The following TOGARAM2 variants were observed in gnomAD, a reference collection of about 807,000 sequenced individuals.
TOGARAM2 encodes the protein TOG array regulator of axonemal microtubules protein 2.
In TOGARAM2, 85 loss-of-function variants were observed where a neutral mutation model predicts 93.3. The observed-to-expected ratio is 0.91, with a 90% CI of 0.76 to 1.09. The LOEUF (loss-of-function observed/expected upper bound fraction) is 1.09. TOGARAM2 is among the 50% of genes least tolerant of loss of function. TOGARAM2 has a pLI of 0.00. For synonymous variants in TOGARAM2, 593 were observed against 552.8 expected, an observed-to-expected ratio of 1.07 and a Z score of -1.02; for missense variants, 1,277 against 1,334.5, an observed-to-expected ratio of 0.96 and a Z score of 0.67.
intron 1 of TOGARAM2, among the ~76,000 whole-genome samples, chr2:28,989,088 C>A (rs971959755): frequency 3.9e-5 from 6 of 152,180 alleles, no homozygotes; most frequent in African/African-American, 1.4e-4. Context: ...CTTGCTCTGT[C>A]GCCCAGGCTG....
chr2:28,959,145 C>T (rs569264187), intron 1 of TOGARAM2, among the ~76,000 whole-genome samples: 7 of 152,260 alleles, frequency 4.6e-5, no homozygotes, highest in Non-Finnish European at 1.0e-4. Flanking sequence ...AACTCCCCAC[C>T]GGGCTACAGA....
Position 29,026,839 on chromosome 2 carries a change from T to C in TOGARAM2, c.1854-14T>C. 1 of 1,574,156 alleles carries C rather than the reference T, an allele frequency of 6.4e-7. No homozygotes were observed. Among genetic ancestry groups the C allele is most frequent in the Non-Finnish European group, 8.6e-7 (1 of 1,157,158 alleles). ...TATCCTGAGACTGACCCCTGGGCCA[T>C]GATTTCCTTTCAGCCACCGGAACCC... On this transcript the variant is annotated splice_polypyrimidine_tract_variant and intron_variant, in intron 13 of 19. Transcript: ENST00000379558.
intron 1 of TOGARAM2, among the ~76,000 whole-genome samples, chr2:28,992,261 C>T (rs1345294889): frequency 6.6e-6 from 1 of 152,166 alleles, no homozygotes; most frequent in African/African-American, 2.4e-5. Flanking sequence ...TCACTGCGCT[C>T]ACGTTAGTCA....
intron 1 of TOGARAM2, among the ~76,000 whole-genome samples, chr2:28,964,206 C>A (rs1318423875): frequency 6.6e-6 from 1 of 152,178 alleles, no homozygotes; most frequent in East Asian, 1.9e-4. Context: ...CCAGTTCTTG[C>A]TGCATGTATG....
chr2:29,011,736 G>T (rs868251317), intron 7 of TOGARAM2, among the ~76,000 whole-genome samples: 1 of 152,332 alleles, frequency 6.6e-6, no homozygotes, highest in African/African-American at 2.4e-5. Flanking sequence ...CGTCAGGTGT[G>T]ATGACGTACA....
chr2:29,042,763 C>G (rs1666510896), intron 18 of TOGARAM2, among the ~76,000 whole-genome samples: 1 of 152,322 alleles, frequency 6.6e-6, no homozygotes, highest in South Asian at 2.1e-4. Context: ...CGGGCATTCT[C>G]TCTTACAGGG....
At chr2:28,958,425 CCT>C (rs1225961122) in intron 1 of TOGARAM2, among the ~76,000 whole-genome samples, 1 of 151,982 alleles carries the variant, frequency 6.6e-6, no homozygotes, top group East Asian at 1.9e-4. Flanking sequence ...CCTGCTTCAG[CCT>C]CCCGAGTAGC....
At chr2:29,022,961 G>T in intron 11 of TOGARAM2, 125 bp from the exon 12 acceptor site, 1 of 764,454 alleles carries the variant, frequency 1.3e-6, no homozygotes, top group Non-Finnish European at 2.2e-6. Flanking sequence ...TGAGGCCATG[G>T]AATGGCACCC....
At position 29,035,506 on chromosome 2, in the gene TOGARAM2, A is replaced by C; in HGVS notation, c.2268A>C (p.Thr756=). The change falls in exon 17 of 20, where the codon ACA becomes ACC. Residue 756 remains threonine (T), a synonymous_variant. Transcript: ENST00000379558. ...NGPRLVGLRS[T]LQGRGEMVEQ... is the part of the protein sequence containing the mutation. ...CAAGGCTGGTGGGGCTGCGCTCCACACTGCAGGGCCGCGGGGAGATGGTGG... is the reference window on the plus strand; with the variant it reads ...CAAGGCTGGTGGGGCTGCGCTCCACCCTGCAGGGCCGCGGGGAGATGGTGG... The C allele has an allele frequency of 6.6e-7, 1 of 1,523,396 alleles. No homozygotes were observed. Among genetic ancestry groups the C allele is most frequent in the African/African-American group, 1.4e-5 (1 of 72,886 alleles). 94.4% of individuals were successfully genotyped at this position (1,523,396 alleles called of 1,614,324 possible).
chr2:28,962,285 C>T (rs1309949906), intron 1 of TOGARAM2, among the ~76,000 whole-genome samples: 2 of 151,620 alleles, frequency 1.3e-5, no homozygotes, highest in Non-Finnish European at 2.9e-5. Context: ...AAGCAATTCT[C>T]CTGCCTCAGC....
chr2:28,962,418 C>A (rs546493776), intron 1 of TOGARAM2, among the ~76,000 whole-genome samples: 92 of 152,264 alleles, frequency 6.0e-4, no homozygotes, highest in African/African-American at 2.2e-3. Context: ...TCATAATGCA[C>A]CCACCTTGGG....
chr2:28,990,438 G>A (rs945223188), intron 1 of TOGARAM2, among the ~76,000 whole-genome samples: 1 of 152,148 alleles, frequency 6.6e-6, no homozygotes, highest in African/African-American at 2.4e-5. Context: ...CTCTCACAGA[G>A]CATTCTGGGT....
In TOGARAM2 at chr2:28,956,991, G is replaced by C. The variant is rs1671727411; in HGVS notation, c.-147+294G>C. Among the ~76,000 whole-genome samples, 2 of 151,988 alleles carry C rather than the reference G, an allele frequency of 1.3e-5. No homozygotes were observed. The highest frequency in any genetic ancestry group is 6.5e-5 in the Admixed American group (1 of 15,272). ...AGTACAAAAATTGGCCGGGAATGGTGGAGGGCATCTGTAATCCCAGGAGAA... is the reference window on the plus strand; with the variant it reads ...AGTACAAAAATTGGCCGGGAATGGTCGAGGGCATCTGTAATCCCAGGAGAA... On this transcript the variant is annotated intron_variant, in intron 1 of 6. Coordinates refer to the TOGARAM2 transcript ENST00000401723. This position sits in a 1 kb window ranked among gnomAD's most constrained non-coding sequence, Gnocchi z 4.5.
intron 1 of TOGARAM2, among the ~76,000 whole-genome samples, chr2:28,983,189 TATATATATA>T (rs1235314468): frequency 6.0e-5 from 3 of 50,074 alleles, no homozygotes; most frequent in African/African-American, 1.7e-4. Context: ...TATATATATA[TATATATATA>T]TTTTTTTTTT....
intron 1 of TOGARAM2, among the ~76,000 whole-genome samples, chr2:28,960,893 G>C (rs1420626055): frequency 4.6e-5 from 7 of 152,162 alleles, no homozygotes; most frequent in Admixed American, 4.6e-4. Context: ...GTAGCTAGTG[G>C]CTATGGTCTG....
At position 29,033,508 on chromosome 2, in the gene TOGARAM2, C is replaced by A. The variant is rs60403047; in HGVS notation, c.2170C>A (p.Arg724Ser). 1 of 1,613,158 alleles carries A rather than the reference C, an allele frequency of 6.2e-7. No individual in the cohort carries two copies. Among genetic ancestry groups the A allele is most frequent in the African/African-American group, 1.3e-5 (1 of 74,884 alleles). Residue 724 changes from arginine to serine, a missense_variant, in exon 16 of 20, where the codon CGC (arginine) becomes AGC (serine). Physicochemically the swap from Arg to Ser is moderately radical, Grantham distance 110. Coordinates refer to ENST00000379558, the MANE Select transcript of TOGARAM2 (RefSeq NM_199280.4). ...DNDELPSAKGRKVLRSLVVCE... is the reference protein window; with the variant it reads ...DNDELPSAKGSKVLRSLVVCE... ...TGATGAACTTCCCTCTGCCAAAGGC[C>A]GCAAGGTGTTGAGGAGTCTGGTGGT...
intron 4 of TOGARAM2, 103 bp downstream of exon 4, chr2:28,999,571 G>A (rs984910032): frequency 1.5e-6 from 2 of 1,331,200 alleles, no homozygotes; most frequent in Admixed American, 5.5e-5. Flanking sequence ...TGGCATGCTG[G>A]GATGCCCTGG....
chr2:29,002,508 C>A (rs765829826), intron 4 of TOGARAM2, 28 bp from the exon 5 acceptor site: 1 of 1,597,634 alleles, frequency 6.3e-7, no homozygotes, highest in Non-Finnish European at 8.6e-7. Context: ...CTGGGACTAA[C>A]TGATTTCCCA....
At chr2:29,018,131 CTCA>C (rs1664709817) in intron 10 of TOGARAM2, 175 bp downstream of exon 10, 1 of 687,116 alleles carries the variant, frequency 1.5e-6, no homozygotes, top group African/African-American at 1.8e-5. Context: ...GTGTCAGGGA[CTCA>C]TCATTGTCTA....
Sources: allele counts gnomAD v4.1 joint callset (sites outside exome capture counted in the v4.1 genomes callset), GRCh38; gene constraint gnomAD v4.1.1; non-coding constraint Gnocchi (gnomAD v3.1); transcripts MANE v1.5; gene names NCBI Gene and HGNC (gene_info 2026-07-23, HGNC 2026-07-21).